FAM53B: variants seen among roughly 807,000 people sequenced by gnomAD.
FAM53B encodes the protein protein FAM53B.
In FAM53B, 12 loss-of-function variants were observed where a neutral mutation model predicts 32.7. That is an observed-to-expected ratio of 0.37 (90% CI 0.24 to 0.59). The LOEUF (loss-of-function observed/expected upper bound fraction) is 0.59, where lower values mean the gene tolerates loss of function less well. Ranked by LOEUF, FAM53B falls within the 20% of genes least tolerant of loss-of-function variation. The pLI, the probability that FAM53B is intolerant of heterozygous loss-of-function variation, is 0.72. For synonymous variants in FAM53B, 234 were observed against 228.7 expected, an observed-to-expected ratio of 1.02 and a Z score of -0.21; for missense variants, 477 against 577.7, an observed-to-expected ratio of 0.83 and a Z score of 1.79.
chr10:124,730,273 G>A (rs530164539), intron 1 of FAM53B, among the ~76,000 whole-genome samples: 79 of 152,318 alleles, frequency 5.2e-4, no homozygotes, highest in African/African-American at 1.8e-3. Context: ...TGGGATTTCT[G>A]CAGGACCCAG....
intron 3 of FAM53B, among the ~76,000 whole-genome samples, chr10:124,692,533 G>A (rs902959413): frequency 7.2e-5 from 11 of 151,986 alleles, no homozygotes; most frequent in African/African-American, 2.7e-4. Flanking sequence ...TGACCAACAT[G>A]GTGAAACCCC....
intron 3 of FAM53B, among the ~76,000 whole-genome samples, chr10:124,695,062 T>C (rs1052199385): frequency 6.6e-6 from 1 of 152,104 alleles, no homozygotes; most frequent in Non-Finnish European, 1.5e-5. Flanking sequence ...ATCTGACACA[T>C]CACCTCATCT....
intron 4 of FAM53B, among the ~76,000 whole-genome samples, chr10:124,654,210 G>A (rs185619079): frequency 2.6e-4 from 39 of 152,354 alleles, no homozygotes; most frequent in Admixed American, 7.8e-4. Context: ...GAAACGCTGC[G>A]CCCAGCCATG....
chr10:124,691,571 T>C (rs567493546), intron 3 of FAM53B, among the ~76,000 whole-genome samples: 1 of 152,240 alleles, frequency 6.6e-6, no homozygotes, highest in Non-Finnish European at 1.5e-5. Context: ...AAATAATTGG[T>C]ATTGCCTTCG....
chr10:124,737,883 A>C (rs1281927058), intron 1 of FAM53B, among the ~76,000 whole-genome samples: 1 of 152,114 alleles, frequency 6.6e-6, no homozygotes, highest in Admixed American at 6.5e-5. Flanking sequence ...CCCCAGAAAG[A>C]ACAAGACCAC....
chr10:124,654,523 A>G (rs1020014698), intron 4 of FAM53B, among the ~76,000 whole-genome samples: 16 of 152,220 alleles, frequency 1.1e-4, no homozygotes, highest in African/African-American at 3.9e-4. Flanking sequence ...CTTTCCACTT[A>G]CAGCAGAACA....
chr10:124,627,856 G>A (rs901399971), intron 4 of FAM53B, among the ~76,000 whole-genome samples: 1 of 152,214 alleles, frequency 6.6e-6, no homozygotes, highest in Non-Finnish European at 1.5e-5. Context: ...CCCCTCTTCT[G>A]CAGGGCTGTT....
chr10:124,657,313 C>A (rs568668581), intron 4 of FAM53B, among the ~76,000 whole-genome samples: 29 of 151,906 alleles, frequency 1.9e-4, no homozygotes, highest in African/African-American at 4.6e-4. Flanking sequence ...TGTTTCTTTC[C>A]CCTTTTTAAA....
intron 4 of FAM53B, among the ~76,000 whole-genome samples, chr10:124,643,554 G>A (rs550364465): frequency 2.2e-4 from 33 of 152,266 alleles, no homozygotes; most frequent in African/African-American, 8.0e-4. Context: ...CCAGCGGGGG[G>A]GTGCAGGGCT....
chr10:124,659,194 C>G (rs1220780802), intron 4 of FAM53B, among the ~76,000 whole-genome samples: 2 of 152,226 alleles, frequency 1.3e-5, no homozygotes, highest in African/African-American at 4.8e-5. Flanking sequence ...CTAAACTACC[C>G]TTTGGAGAAT....
rs531295127 is a variant in FAM53B, at chr10:124,733,354, G to A, written c.-175+10659C>T. Among the ~76,000 whole-genome samples the A allele has an allele frequency of 6.6e-6, 1 of 152,242 alleles. No homozygotes were observed. The highest frequency in any genetic ancestry group is 2.4e-5 in the African/African-American group (1 of 41,532). On this transcript the variant is annotated intron_variant, in intron 1 of 4. Coordinates refer to ENST00000337318, the MANE Select transcript of FAM53B (RefSeq NM_014661.4). The surrounding 1 kb of genome is among the most constrained non-coding windows in gnomAD (Gnocchi z 4.3). ...GGGCGGTGGAGGCCTCAGGCGCACT[G>A]GCCGCCAAGAGTCAGGTGACTCAGG...
intron 4 of FAM53B, among the ~76,000 whole-genome samples, chr10:124,644,786 C>A (rs1181309738): frequency 6.6e-6 from 1 of 152,104 alleles, no homozygotes; most frequent in Non-Finnish European, 1.5e-5. Context: ...CAGAAGAGGG[C>A]CATTTGGGCT....
Position 124,719,244 on chromosome 10 carries a change from G to A in FAM53B, c.-174-12357C>T, listed in dbSNP as rs566581706. Among the ~76,000 whole-genome samples the A allele has an allele frequency of 3.9e-5, 6 of 152,074 alleles. 1 individual carries two copies. The South Asian group carries it at 1.2e-3, about 32-fold the overall frequency. On this transcript the variant is annotated intron_variant, in intron 1 of 4. Coordinates refer to ENST00000337318, the MANE Select transcript of FAM53B (RefSeq NM_014661.4). ...TTTTTGGCATGCCATGGGGGTGGGGGAACAGGAGAAGAAAGGGGCACCTCA... is the reference window on the plus strand; with the variant it reads ...TTTTTGGCATGCCATGGGGGTGGGGAAACAGGAGAAGAAAGGGGCACCTCA...
At chr10:124,660,856 GA>G (rs1238923395) in intron 4 of FAM53B, among the ~76,000 whole-genome samples, 15 of 152,134 alleles carry the variant, frequency 9.9e-5, no homozygotes, top group African/African-American at 3.6e-4. Context: ...GTTGTAGCAT[GA>G]AAGCAGCTGG....
intron 4 of FAM53B, among the ~76,000 whole-genome samples, chr10:124,669,066 G>T (rs962528139): frequency 6.6e-6 from 1 of 152,184 alleles, no homozygotes; most frequent in Non-Finnish European, 1.5e-5. Context: ...CCTCCTCCCC[G>T]CCATTCAAGA....
intron 3 of FAM53B, among the ~76,000 whole-genome samples, chr10:124,683,074 ATC>A (rs1564876974): frequency 6.6e-6 from 1 of 152,224 alleles, no homozygotes; most frequent in African/African-American, 2.4e-5. Context: ...AGCAATTAAA[ATC>A]TCTAAGAACA....
intron 1 of FAM53B, among the ~76,000 whole-genome samples, chr10:124,712,936 C>A (rs1950014550): frequency 6.6e-6 from 1 of 152,382 alleles, no homozygotes; most frequent in South Asian, 2.1e-4. Flanking sequence ...CAAGTCCTCA[C>A]CCCAAGAGTG....
intron 4 of FAM53B, among the ~76,000 whole-genome samples, chr10:124,647,662 G>A (rs1392712368): frequency 6.6e-5 from 10 of 152,150 alleles, no homozygotes. Flanking sequence ...GGGCAGGGAA[G>A]GCCTGTACCC....
In FAM53B at chr10:124,733,844, T is replaced by G. The variant is rs1185871117; in HGVS notation, c.-175+10169A>C. Among the ~76,000 whole-genome samples the G allele has an allele frequency of 6.6e-6, 1 of 152,202 alleles. No individual in the cohort carries two copies. Among genetic ancestry groups the G allele is most frequent in the East Asian group, 1.9e-4 (1 of 5,196 alleles). The stretch of plus-strand genomic sequence containing the variant: ...TTCTCCCAGCCCTTCGCCCTTCCCT[T>G]TACTGCCATCCTGACCTAGATCAGC... On this transcript the variant is annotated intron_variant, in intron 1 of 4. Coordinates refer to ENST00000337318, the MANE Select transcript of FAM53B (RefSeq NM_014661.4). This position sits in a 1 kb window ranked among gnomAD's most constrained non-coding sequence, Gnocchi z 4.3.
Sources: allele counts gnomAD v4.1 joint callset (sites outside exome capture counted in the v4.1 genomes callset), GRCh38; gene constraint gnomAD v4.1.1; non-coding constraint Gnocchi (gnomAD v3.1); transcripts MANE v1.5; gene names NCBI Gene and HGNC (gene_info 2026-07-23, HGNC 2026-07-21).